The following SCYL3 variants were observed in gnomAD, a reference collection of about 807,000 sequenced individuals.
The protein encoded by SCYL3 is SCY1 like pseudokinase 3.
In SCYL3, 35 loss-of-function variants were observed where a neutral mutation model predicts 73.8. The observed-to-expected ratio is 0.47, with a 90% CI of 0.36 to 0.63. SCYL3 has a LOEUF of 0.63. Ranked by LOEUF, SCYL3 falls within the 20% of genes least tolerant of loss-of-function variation. The probability of loss-of-function intolerance (pLI) is 0.00; values close to 1 mark genes in which losing one functional copy is unlikely to be tolerated. For missense variants in SCYL3, 712 were observed against 798.9 expected (o/e 0.89, Z 1.31); for synonymous variants, 277 against 295.2 (o/e 0.94, Z 0.63).
At position 169,870,939 on chromosome 1, in the gene SCYL3, A is replaced by G. The variant is rs367770184; in HGVS notation, c.523-582T>C. Among the ~76,000 whole-genome samples the G allele has an allele frequency of 4.6e-5, 7 of 152,320 alleles. No individual in the cohort carries two copies. The East Asian group carries it at 1.3e-3, about 29-fold the overall frequency. ...ATATTTCCTGTAAAGCACACTAAAT[A>G]TATCTTTGGGGATTATTTATAGTGG... On this transcript the variant is annotated intron_variant, in intron 5 of 12. Transcript: ENST00000367771.
intron 5 of SCYL3, among the ~76,000 whole-genome samples, chr1:169,873,025 T>C (rs1660526723): frequency 6.6e-6 from 1 of 152,102 alleles, no homozygotes; most frequent in African/African-American, 2.4e-5. Context: ...TGAGAAGACA[T>C]GACTGGTTTT....
chr1:169,854,342 C>A lies in SCYL3; in HGVS notation c.1935G>T (p.Met645Ile). 6.2e-7 allele frequency: 1 copy of A among 1,611,846 alleles called. No individual in the cohort carries two copies. The highest frequency in any genetic ancestry group is 8.5e-7 in the Non-Finnish European group (1 of 1,179,408). Residue 645 changes from methionine (M) to isoleucine (I), a missense_variant, in exon 12 of 13, where the codon ATG (methionine) becomes ATT (isoleucine). By Grantham distance (10) the Met-to-Ile change is conservative. Transcript: ENST00000367771. ...GGGAGACATCATCCTTTTTTGGGAC[C>A]ATTTCTGTCCTCAGTTCAGGTAATA... ...FLILPELRTE[M>I]VPKKDDVSPV...
chr1:169,868,087 T>C (rs995595270), intron 7 of SCYL3, among the ~76,000 whole-genome samples: 4 of 152,210 alleles, frequency 2.6e-5, no homozygotes, highest in African/African-American at 9.7e-5. Context: ...TGGGAAAGTT[T>C]TGAATAGTTT....
intron 8 of SCYL3, 126 bp from the exon 9 acceptor site, chr1:169,864,634 AGAAGGTG>A: frequency 9.8e-7 from 1 of 1,019,850 alleles, no homozygotes; most frequent in East Asian, 2.8e-5. Flanking sequence ...ATGGAGATAG[AGAAGGTG>A]AACAGATTGG....
rs768894210 is a variant in SCYL3 at position 169,876,095 on chromosome 1, G to GA, written c.352-5dup. The GA allele has an allele frequency of 9.7e-3, 13,060 of 1,341,902 alleles. 2 individuals carry two copies. Among genetic ancestry groups the GA allele is most frequent in the South Asian group, 0.014 (959 of 67,604 alleles). 83.1% of individuals were successfully genotyped at this position (1,341,902 alleles called of 1,614,324 possible). A position where few individuals can be genotyped will look rare whatever the true frequency, so the allele number is the denominator to read the frequency against. On this transcript the variant is annotated splice_region_variant and splice_polypyrimidine_tract_variant and intron_variant, in intron 3 of 12. Coordinates refer to ENST00000367771, the MANE Select transcript of SCYL3 (RefSeq NM_020423.7). ...CATTATTGTGTGTTAGGTGTCCCTG[G>GA]AAAAAAAAAAGAACAGAAGGAAGAG...
chr1:169,857,574 TAAAG>T (rs1279633126), intron 11 of SCYL3, among the ~76,000 whole-genome samples: 1 of 152,232 alleles, frequency 6.6e-6, no homozygotes, highest in East Asian at 1.9e-4. Flanking sequence ...TATCCATGAA[TAAAG>T]AAATCACTGA....
chr1:169,876,707 G>A (rs952921940), intron 3 of SCYL3, among the ~76,000 whole-genome samples: 1 of 152,022 alleles, frequency 6.6e-6, no homozygotes, highest in African/African-American at 2.4e-5. Flanking sequence ...TGTAATCCCA[G>A]CACTTTGGGA....
intron 7 of SCYL3, among the ~76,000 whole-genome samples, 185 bp downstream of exon 7, chr1:169,868,743 T>G (rs917956943): frequency 6.6e-6 from 1 of 152,202 alleles, no homozygotes; most frequent in Non-Finnish European, 1.5e-5. Context: ...AATAGGAAAC[T>G]GACAGACAAC....
At chr1:169,883,092 C>T (rs536054572) in intron 2 of SCYL3, among the ~76,000 whole-genome samples, 70 of 152,032 alleles carry the variant, frequency 4.6e-4, no homozygotes, top group Non-Finnish European at 8.2e-4. Context: ...CCTGAGCCAG[C>T]GAGACCACGA....
intron 7 of SCYL3, among the ~76,000 whole-genome samples, chr1:169,867,931 A>C (rs2102164595): frequency 6.6e-6 from 1 of 152,354 alleles, no homozygotes. Context: ...GAGACTTTCT[A>C]TCAAGGGAAA....
chr1:169,870,956 T>G (rs1355239805), intron 5 of SCYL3, among the ~76,000 whole-genome samples: 1 of 152,200 alleles, frequency 6.6e-6, no homozygotes, highest in Non-Finnish European at 1.5e-5. Flanking sequence ...TGGGGATTAT[T>G]TATAGTGGCT....
chr1:169,880,981 C>T (rs1661203580), intron 2 of SCYL3, among the ~76,000 whole-genome samples: 1 of 152,140 alleles, frequency 6.6e-6, no homozygotes, highest in South Asian at 2.1e-4. Context: ...AGGCTGCTCT[C>T]GAATTCCTGA....
intron 3 of SCYL3, among the ~76,000 whole-genome samples, chr1:169,877,217 G>A (rs550225879): frequency 2.6e-4 from 39 of 152,290 alleles, no homozygotes; most frequent in Non-Finnish European, 2.6e-4. Context: ...GTACAGTGGT[G>A]TGATCACAGC....
Position 169,873,680 on chromosome 1 carries a change from A to C in SCYL3, c.522+16T>G, listed in dbSNP as rs2272912. The C allele has an allele frequency of 0.013, 20,189 of 1,561,880 alleles. 1,104 individuals are homozygous for C. The African/African-American group carries it at 0.13, about 10-fold the overall frequency. On this transcript the variant is annotated intron_variant, in intron 5 of 12. Coordinates refer to ENST00000367771, the MANE Select transcript of SCYL3 (RefSeq NM_020423.7). Reference sequence around the variant, plus strand: ...CACAAAGGCACCTTCATTATATGTGAAGTATATCATCTTACCATCTCTTCA... The same window carrying C: ...CACAAAGGCACCTTCATTATATGTGCAGTATATCATCTTACCATCTCTTCA...
In SCYL3 at chr1:169,853,079, T is replaced by C; in HGVS notation, c.*634A>G. The C allele has an allele frequency of 1.7e-6, 2 of 1,203,706 alleles. No homozygotes were observed. The highest frequency in any genetic ancestry group is 2.4e-6 in the Non-Finnish European group (2 of 837,432). The allele number at this position is 1,203,706 out of a possible 1,614,324, so 74.6% of individuals were successfully genotyped here. On this transcript the variant is annotated 3_prime_UTR_variant, in exon 13 of 13. Coordinates refer to ENST00000367771, the MANE Select transcript of SCYL3 (RefSeq NM_020423.7). The stretch of plus-strand genomic sequence containing the variant: ...TCTAACAGATATAAAACAAATTTTG[T>C]AAAGTTGAATCTAGTGAAAATAATC...
rs999600602 is a variant in SCYL3 at position 169,871,966 on chromosome 1, G to T, written c.523-1609C>A. ...TTTAAAAGGAAAACAGAGCATAAAA[G>T]CTTGGGAAGTTTGCAGCCTGACAAT... On this transcript the variant is annotated intron_variant, in intron 5 of 12. Transcript: ENST00000367771. Among the ~76,000 whole-genome samples the T allele has an allele frequency of 6.1e-4, 93 of 152,230 alleles. 1 individual carries two copies. The highest frequency in any genetic ancestry group is 6.5e-4 in the Admixed American group (10 of 15,284).
intron 9 of SCYL3, among the ~76,000 whole-genome samples, chr1:169,863,736 A>T (rs1361237573): frequency 6.6e-6 from 1 of 152,208 alleles, no homozygotes; most frequent in East Asian, 1.9e-4. Context: ...TTCATGGCTA[A>T]AGAGAATGGT....
intron 9 of SCYL3, among the ~76,000 whole-genome samples, chr1:169,863,005 C>G (rs1659774961): frequency 6.6e-6 from 1 of 152,088 alleles, no homozygotes; most frequent in Non-Finnish European, 1.5e-5. Flanking sequence ...CTCCTCCTCC[C>G]AGGTTCAAGC....
chr1:169,867,084 T>C (rs1660083319), intron 7 of SCYL3, 111 bp from the exon 8 acceptor site: 4 of 630,514 alleles, frequency 6.3e-6, no homozygotes, highest in Non-Finnish European at 1.1e-5. Flanking sequence ...AACATTCTCC[T>C]TTGCCATTTA....
Sources: gnomAD v4.1 joint callset for allele counts (sites outside exome capture counted in the v4.1 genomes callset) on GRCh38, gnomAD v4.1.1 for gene constraint, MANE v1.5 for transcripts, NCBI Gene and HGNC (gene_info 2026-07-23, HGNC 2026-07-21) for gene names.